The following OTUD4 variants were observed in gnomAD, a reference collection of about 807,000 sequenced individuals.
OTUD4 encodes the protein OTU domain-containing protein 4.
A neutral mutation model predicts 130.4 loss-of-function variants in OTUD4; 24 were observed. The ratio of observed to expected loss-of-function variants is 0.18; its 90% confidence interval spans 0.13 to 0.26. OTUD4 has a LOEUF of 0.26. Ranked by LOEUF, OTUD4 falls within the 10% of genes least tolerant of loss-of-function variation. The pLI, the probability that OTUD4 is intolerant of heterozygous loss-of-function variation, is 1.00. For missense variants in OTUD4, 1,031 were observed against 1,329.4 expected, an observed-to-expected ratio of 0.78 and a Z score of 3.49; for synonymous variants, 420 against 472.5, an observed-to-expected ratio of 0.89 and a Z score of 1.44.
chr4:145,164,040 C>A, intron 5 of OTUD4, 114 bp downstream of exon 5: 1 of 605,962 alleles, frequency 1.7e-6, no homozygotes, highest in Non-Finnish European at 3.0e-6. Flanking sequence ...AATACCATAA[C>A]CTTAATACAG....
chr4:145,168,943 C>T (rs929395082), intron 3 of OTUD4, among the ~76,000 whole-genome samples: 1 of 152,208 alleles, frequency 6.6e-6, no homozygotes, highest in East Asian at 1.9e-4. Flanking sequence ...GTGATAGATA[C>T]ATACACAGAT....
chr4:145,172,762 T>A (rs2126806515), intron 2 of OTUD4, among the ~76,000 whole-genome samples: 1 of 152,030 alleles, frequency 6.6e-6, no homozygotes, highest in East Asian at 1.9e-4. Context: ...AAGATATTTA[T>A]AATAAAAGAG....
intron 1 of OTUD4, among the ~76,000 whole-genome samples, chr4:145,179,052 T>C (rs573944628): frequency 3.3e-5 from 5 of 151,926 alleles, no homozygotes; most frequent in Admixed American, 2.0e-4. Context: ...TTATATAACA[T>C]GGAATAAGCT....
chr4:145,179,600 C>A (rs1752592228), intron 1 of OTUD4: 3 of 1,381,438 alleles, frequency 2.2e-6, no homozygotes, highest in African/African-American at 1.5e-5. Context: ...GAGAGAGACA[C>A]CCCGTTAATT....
intron 17 of OTUD4, among the ~76,000 whole-genome samples, 188 bp from the exon 18 acceptor site, chr4:145,142,522 T>C (rs1750613028): frequency 6.6e-6 from 1 of 152,246 alleles, no homozygotes; most frequent in African/African-American, 2.4e-5. Flanking sequence ...CAAACAAATT[T>C]GATCCTAACC....
intron 8 of OTUD4, 93 bp from the exon 9 acceptor site, chr4:145,155,779 G>T: frequency 1.9e-6 from 2 of 1,046,330 alleles, no homozygotes; most frequent in South Asian, 3.2e-5. Context: ...ATGAAGAAAA[G>T]AAACTTCAAA....
intron 10 of OTUD4, among the ~76,000 whole-genome samples, chr4:145,154,821 G>A (rs1223353437): frequency 3.3e-5 from 5 of 150,934 alleles, no homozygotes; most frequent in African/African-American, 1.2e-4. Context: ...TCCAGACACT[G>A]CTGAATGTTC....
intron 13 of OTUD4, among the ~76,000 whole-genome samples, chr4:145,150,068 G>A (rs191322326): frequency 3.8e-4 from 58 of 152,212 alleles, no homozygotes; most frequent in African/African-American, 1.2e-3. Flanking sequence ...AGCCCCATTC[G>A]GTATTAAGAG....
In OTUD4 at chr4:145,143,980, T is replaced by C. The variant is rs1750703262; in HGVS notation, c.1568A>G (p.Gln523Arg). 6.2e-7 allele frequency: 1 copy of C among 1,612,888 alleles called. No individual in the cohort carries two copies. The highest frequency in any genetic ancestry group is 1.1e-5 in the South Asian group (1 of 91,060). The change falls in exon 16 of 21, where the codon CAG (glutamine) becomes CGG (arginine). Residue 523 changes from glutamine to arginine, a missense_variant. By Grantham distance (43) the Gln-to-Arg change is conservative. This residue lies in a region of OTUD4 where 900 missense variants were observed against 1,095.9 expected (regional missense o/e 0.82). Coordinates refer to ENST00000447906, the MANE Select transcript of OTUD4 (RefSeq NM_001366057.1). Reference protein sequence around the residue: ...KDKDSIHGHSQLDKRPEPSTL... With the variant: ...KDKDSIHGHSRLDKRPEPSTL... ...GCTTGGTTCGGGTCTTTTATCCAAC[T>C]GACTATGTCCATGAATAGAGTCTAT... is the stretch of plus-strand genomic sequence containing the variant.
In OTUD4 at chr4:145,150,414, G is replaced by A. The variant is rs1579255850; in HGVS notation, c.1259+99C>T. 10 of 756,680 alleles carry A rather than the reference G, an allele frequency of 1.3e-5. 1 individual carries two copies. In the East Asian group the frequency reaches 2.3e-4, roughly 17 times the overall value. The allele number at this position is 756,680 out of a possible 1,614,324, so 46.9% of individuals were successfully genotyped here. ...AATACTAATATAGGGACAATGATAT[G>A]AGTAAAAAGTTATAATTATTCAAAT... On this transcript the variant is annotated intron_variant, in intron 13 of 20. Transcript: ENST00000447906.
In OTUD4 at chr4:145,136,042, T is replaced by G. The variant is rs1373405461; in HGVS notation, c.*1388A>C. 6.6e-6 allele frequency: 1 copy of G among 152,610 alleles called. No homozygotes were observed. The highest frequency in any genetic ancestry group is 1.5e-5 in the Non-Finnish European group (1 of 68,038). The allele number at this position is 152,610 out of a possible 1,614,324, so 9.5% of individuals were successfully genotyped here. A position where few individuals can be genotyped will look rare whatever the true frequency, so the allele number is the denominator to read the frequency against. On this transcript the variant is annotated 3_prime_UTR_variant, in exon 21 of 21. Coordinates refer to ENST00000447906, the MANE Select transcript of OTUD4 (RefSeq NM_001366057.1). ...TTACACATGGCATGCAAAGAGAAAT[T>G]ACTACTATGTTATTTGCATAGCACT...
At chr4:145,161,523 A>G (rs961809359) in intron 6 of OTUD4, among the ~76,000 whole-genome samples, 2 of 152,236 alleles carry the variant, frequency 1.3e-5, no homozygotes, top group African/African-American at 4.8e-5. Context: ...CGGATGATAT[A>G]AAAGAAACTG....
At position 145,171,557 on chromosome 4, in the gene OTUD4, A is replaced by C. The variant is rs573826190; in HGVS notation, c.294+113T>G. Reference sequence around the variant, plus strand: ...AAACGTTTATAAGGAAATAGGATACACCGTCACTGCAACTCCTCTATACAC... The same window carrying C: ...AAACGTTTATAAGGAAATAGGATACCCCGTCACTGCAACTCCTCTATACAC... On this transcript the variant is annotated intron_variant, in intron 3 of 20. Transcript: ENST00000447906. The C allele has an allele frequency of 4.0e-4, 242 of 598,578 alleles. 2 individuals carry two copies. The South Asian group carries it at 5.5e-3, about 14-fold the overall frequency. The allele number at this position is 598,578 out of a possible 1,614,324, so 37.1% of individuals were successfully genotyped here. A position where few individuals can be genotyped will look rare whatever the true frequency, so the allele number is the denominator to read the frequency against.
Position 145,138,256 on chromosome 4 carries a change from G to T in OTUD4, c.2519C>A (p.Pro840Gln). ...TAAGAATGGATTGGGTCCAAAAGAT[G>T]GCTGGGGGAACATATTCTTGCCACT... ...SLSGKNMFPQPSFGPNPFLGP... is the reference protein window; with the variant it reads ...SLSGKNMFPQQSFGPNPFLGP... Residue 840 changes from proline (P) to glutamine (Q), a missense_variant, in exon 21 of 21, where the codon CCA becomes CAA. Around this residue, in one of 3 missense-constraint regions of OTUD4, gnomAD observed 900 missense variants for 1,095.9 expected, o/e 0.82. Coordinates refer to ENST00000447906, the MANE Select transcript of OTUD4 (RefSeq NM_001366057.1). The T allele has an allele frequency of 1.9e-6, 3 of 1,613,988 alleles. No individual in the cohort carries two copies. The highest frequency in any genetic ancestry group is 1.7e-6 in the Non-Finnish European group (2 of 1,179,872).
At chr4:145,143,621 T>C (rs570242991) in intron 16 of OTUD4, among the ~76,000 whole-genome samples, 176 bp from the exon 17 acceptor site, 1 of 152,280 alleles carries the variant, frequency 6.6e-6, no homozygotes, top group South Asian at 2.1e-4. Context: ...CTGAACATCT[T>C]TATTACATCA....
chr4:145,175,422 T>G (rs945152077), intron 1 of OTUD4, among the ~76,000 whole-genome samples: 14 of 152,350 alleles, frequency 9.2e-5, no homozygotes, highest in African/African-American at 3.1e-4. Flanking sequence ...CTACAAAGTA[T>G]GATCCAGATC....
chr4:145,165,005 C>A (rs1751777878), intron 4 of OTUD4, 146 bp downstream of exon 4: 2 of 471,744 alleles, frequency 4.2e-6, no homozygotes, highest in Non-Finnish European at 7.6e-6. Flanking sequence ...ATGTCAAAAT[C>A]TAATTGATGC....
At position 145,155,627 on chromosome 4, in the gene OTUD4, T is replaced by A; in HGVS notation, c.750A>T (p.Ser250=). The part of the protein sequence containing the change: ...SLPLSRKVLK[S]LNPAVYRNVE... The stretch of plus-strand genomic sequence containing the variant: ...CATTTCTATAGACTGCAGGATTGAG[T>A]GACTTAAGAACCTTTCTAGACAAAG... The change falls in exon 9 of 21, where the codon TCA becomes TCT. Residue 250 remains serine (S), a synonymous_variant. Transcript: ENST00000447906. 1 of 1,613,294 alleles carries A rather than the reference T, an allele frequency of 6.2e-7. No individual in the cohort carries two copies. The highest frequency in any genetic ancestry group is 8.5e-7 in the Non-Finnish European group (1 of 1,179,682).
At chr4:145,174,180 A>G (rs1752312338) in intron 2 of OTUD4, among the ~76,000 whole-genome samples, 1 of 152,138 alleles carries the variant, frequency 6.6e-6, no homozygotes, top group Admixed American at 6.6e-5. Flanking sequence ...CTTTTAGTAG[A>G]CACAGAGTTT....
Sources: allele counts gnomAD v4.1 joint callset (sites outside exome capture counted in the v4.1 genomes callset), GRCh38; gene constraint gnomAD v4.1.1; regional missense constraint gnomAD v4.1.1; transcripts MANE v1.5; gene names NCBI Gene and HGNC (gene_info 2026-07-23, HGNC 2026-07-21).